Variants in SLC7A5 observed in about 807,000 individuals in gnomAD.
The protein encoded by SLC7A5 is large neutral amino acids transporter small subunit 1.
SLC7A5 carries 23 observed loss-of-function variants against 50.2 expected under a neutral mutation model. That is an observed-to-expected ratio of 0.46 (90% CI 0.33 to 0.65). SLC7A5 has a LOEUF of 0.65. SLC7A5 is among the 30% of genes least tolerant of loss of function. The pLI, the probability that SLC7A5 is intolerant of heterozygous loss-of-function variation, is 0.02. For missense variants in SLC7A5, 578 were observed against 684.4 expected, an observed-to-expected ratio of 0.84 and a Z score of 1.73; for synonymous variants, 393 against 330.6, an observed-to-expected ratio of 1.19 and a Z score of -2.05.
chr16:87,857,620 A>G (rs961033196), intron 1 of SLC7A5, among the ~76,000 whole-genome samples: 1 of 152,228 alleles, frequency 6.6e-6, no homozygotes, highest in Non-Finnish European at 1.5e-5. Flanking sequence ...TTTGATGCCC[A>G]GTCTCTGCAG....
rs1050924866 is a variant in SLC7A5, at chr16:87,840,537, A to G, written c.771-64T>C. ...CATCAGGGAAAATAAATCACCGGGG[A>G]GAGAGCATCCCAGGGCAGCTGGTGA... On this transcript the variant is annotated intron_variant, in intron 3 of 9. Transcript: ENST00000261622. 7 of 1,384,470 alleles carry G rather than the reference A, an allele frequency of 5.1e-6. No individual in the cohort carries two copies. In the Admixed American group the frequency reaches 1.2e-4, roughly 23 times the overall value. 85.8% of individuals were successfully genotyped at this position (1,384,470 alleles called of 1,614,324 possible). A position where few individuals can be genotyped will look rare whatever the true frequency, so the allele number is the denominator to read the frequency against.
In SLC7A5 at chr16:87,832,947, C is replaced by T. The variant is rs751411967; in HGVS notation, c.*23G>A. ...TTAACTGGCCTCTGCGCATGCTCCTCCGGCAGCCACTCGGCCTCCTGGCTA... is the reference window on the plus strand; with the variant it reads ...TTAACTGGCCTCTGCGCATGCTCCTTCGGCAGCCACTCGGCCTCCTGGCTA... On this transcript the variant is annotated 3_prime_UTR_variant, in exon 10 of 10. Transcript: ENST00000261622. This position sits in a 1 kb window ranked among gnomAD's most constrained non-coding sequence, Gnocchi z 4.6. The T allele has an allele frequency of 6.2e-7, 1 of 1,607,428 alleles. No homozygotes were observed. The highest frequency in any genetic ancestry group is 1.7e-4 in the Middle Eastern group (1 of 6,054).
chr16:87,840,378 C>A (rs2055067874), intron 4 of SLC7A5, 51 bp downstream of exon 4: 2 of 1,486,896 alleles, frequency 1.3e-6, no homozygotes, highest in Non-Finnish European at 9.4e-7. Context: ...CTGCTTCCTG[C>A]CTCACATTAA....
At position 87,834,604 on chromosome 16, in the gene SLC7A5, A is replaced by G. The variant is rs1374820187; in HGVS notation, c.1291-13T>C. 6.3e-7 allele frequency: 1 copy of G among 1,577,012 alleles called. No individual in the cohort carries two copies. The highest frequency in any genetic ancestry group is 1.2e-5 in the South Asian group (1 of 85,826). On this transcript the variant is annotated splice_polypyrimidine_tract_variant and intron_variant, in intron 8 of 9. Coordinates refer to ENST00000261622, the MANE Select transcript of SLC7A5 (RefSeq NM_003486.7). Reference sequence around the variant, plus strand: ...GGGCCAGGTTCACCTGGGGCAGAGGACAGGGCCTGGGTGAGCCCTCTCCTG... The same window carrying G: ...GGGCCAGGTTCACCTGGGGCAGAGGGCAGGGCCTGGGTGAGCCCTCTCCTG...
intron 1 of SLC7A5, among the ~76,000 whole-genome samples, chr16:87,863,971 G>A: frequency 3.5e-5 from 1 of 28,332 alleles, no homozygotes. Context: ...CCAACCTTAT[G>A]TGTGATCATT....
Position 87,847,774 on chromosome 16 carries a change from G to A in SLC7A5, c.664+3950C>T, listed in dbSNP as rs2055172469. 2.0e-5 allele frequency among the ~76,000 whole-genome samples: 3 copies of A among 152,190 alleles called. No individual in the cohort carries two copies. In the South Asian group the frequency reaches 6.2e-4, roughly 31 times the overall value. ...GCTCACGGCTGTGGGACCTGGGGCA[G>A]GGCACCCCACTTCTCTGAGTCTAAG... On this transcript the variant is annotated intron_variant, in intron 2 of 9. Coordinates refer to ENST00000261622, the MANE Select transcript of SLC7A5 (RefSeq NM_003486.7).
chr16:87,847,936 C>T (rs1440022350), intron 2 of SLC7A5, among the ~76,000 whole-genome samples: 1 of 152,220 alleles, frequency 6.6e-6, no homozygotes, highest in Non-Finnish European at 1.5e-5. Flanking sequence ...TCCAGAAGTG[C>T]CCTACTCATA....
intron 6 of SLC7A5, among the ~76,000 whole-genome samples, chr16:87,838,448 C>T (rs1000508504): frequency 2.0e-5 from 3 of 152,092 alleles, no homozygotes; most frequent in South Asian, 2.1e-4. Flanking sequence ...CGTGCCACCA[C>T]GCCTGGCTAA....
intron 4 of SLC7A5, 82 bp downstream of exon 4, chr16:87,840,347 C>T: frequency 6.2e-6 from 8 of 1,282,438 alleles, no homozygotes; most frequent in Non-Finnish European, 9.1e-6. Flanking sequence ...AGCCGACCAA[C>T]AGGCTTCGAG....
rs535909341 is a variant in SLC7A5 at position 87,861,066 on chromosome 16, G to C, written c.538+7819C>G. Among the ~76,000 whole-genome samples, 1 of 152,228 alleles carries C rather than the reference G, an allele frequency of 6.6e-6. No homozygotes were observed. The highest frequency in any genetic ancestry group is 2.4e-5 in the African/African-American group (1 of 41,462). ...GCAGCGGGAAGAGGGTGCTGCCACAGGGCCTCTGGGGAGCGTGCGGGCACA... is the reference window on the plus strand; with the variant it reads ...GCAGCGGGAAGAGGGTGCTGCCACACGGCCTCTGGGGAGCGTGCGGGCACA... On this transcript the variant is annotated intron_variant, in intron 1 of 9. Transcript: ENST00000261622. The surrounding 1 kb of genome is among the most constrained non-coding windows in gnomAD (Gnocchi z 4.2).
At position 87,838,403 on chromosome 16, in the gene SLC7A5, G is replaced by A. The variant is rs3794673; in HGVS notation, c.1043+311C>T. 4.0e-5 allele frequency among the ~76,000 whole-genome samples: 6 copies of A among 148,340 alleles called. 1 individual carries two copies. In the South Asian group the frequency reaches 1.1e-3, roughly 26 times the overall value. On this transcript the variant is annotated intron_variant, in intron 6 of 9. Coordinates refer to ENST00000261622, the MANE Select transcript of SLC7A5 (RefSeq NM_003486.7). ...ATCTTCTGGTCTCAAGCAATCCTTCGACCTCAGCCCCCCAAGTAGCTGGGA... is the reference window on the plus strand; with the variant it reads ...ATCTTCTGGTCTCAAGCAATCCTTCAACCTCAGCCCCCCAAGTAGCTGGGA...
chr16:87,838,173 A>C (rs2055035938), intron 6 of SLC7A5, among the ~76,000 whole-genome samples: 1 of 152,218 alleles, frequency 6.6e-6, no homozygotes, highest in Admixed American at 6.5e-5. Flanking sequence ...CGGGGGGTCA[A>C]GCGGCGGCCA....
chr16:87,866,624 C>T lies in SLC7A5; in HGVS notation c.538+2261G>A, dbSNP rs531646079. 1.4e-4 allele frequency among the ~76,000 whole-genome samples: 22 copies of T among 152,260 alleles called. No individual in the cohort carries two copies. In the East Asian group the frequency reaches 4.3e-3, roughly 29 times the overall value. On this transcript the variant is annotated intron_variant, in intron 1 of 9. Coordinates refer to ENST00000261622, the MANE Select transcript of SLC7A5 (RefSeq NM_003486.7). Reference sequence around the variant, plus strand: ...GGGATTACAGGCATCTGCCACCACACCCAGCTAATTTTTTGTATTTTTAGT... The same window carrying T: ...GGGATTACAGGCATCTGCCACCACATCCAGCTAATTTTTTGTATTTTTAGT...
In SLC7A5 at chr16:87,850,143, C is replaced by A. The variant is rs539673297; in HGVS notation, c.664+1581G>T. Among the ~76,000 whole-genome samples the A allele has an allele frequency of 1.1e-3, 163 of 152,332 alleles. 1 individual carries two copies. Among genetic ancestry groups the A allele is most frequent in the Admixed American group, 2.5e-3 (38 of 15,304 alleles). Reference sequence around the variant, plus strand: ...TTGTCCTAAGGCGAAGTGCCACGTACAGCCAGCAGGGGGCGCCAGGAGCAA... The same window carrying A: ...TTGTCCTAAGGCGAAGTGCCACGTAAAGCCAGCAGGGGGCGCCAGGAGCAA... On this transcript the variant is annotated intron_variant, in intron 2 of 9. Transcript: ENST00000261622.
Position 87,869,424 on chromosome 16 carries a change from C to G in SLC7A5, c.-2G>C. 4 of 1,466,134 alleles carry G rather than the reference C, an allele frequency of 2.7e-6. No individual in the cohort carries two copies. The highest frequency in any genetic ancestry group is 2.6e-5 in the East Asian group (1 of 38,670). The allele number at this position is 1,466,134 out of a possible 1,614,324, so 90.8% of individuals were successfully genotyped here. On this transcript the variant is annotated 5_prime_UTR_variant, in exon 1 of 10. Transcript: ENST00000261622. ...CCGCTTCGGGCCCGCACCCGCCATG[C>G]TCTGCGCACCGGCCGGGCCTGGGAC...
chr16:87,852,495 C>T lies in SLC7A5; in HGVS notation c.539-646G>A, dbSNP rs1269057762. ...ATGAAACCCAAAATAGCACCGTGTGCTTCAGAAGCCTGAGTGACCCCACAC... is the reference window on the plus strand; with the variant it reads ...ATGAAACCCAAAATAGCACCGTGTGTTTCAGAAGCCTGAGTGACCCCACAC... On this transcript the variant is annotated intron_variant, in intron 1 of 9. Coordinates refer to ENST00000261622, the MANE Select transcript of SLC7A5 (RefSeq NM_003486.7). This position sits in a 1 kb window ranked among gnomAD's most constrained non-coding sequence, Gnocchi z 4.5. Among the ~76,000 whole-genome samples, 1 of 152,168 alleles carries T rather than the reference C, an allele frequency of 6.6e-6. No individual in the cohort carries two copies. Among genetic ancestry groups the T allele is most frequent in the African/African-American group, 2.4e-5 (1 of 41,436 alleles).
intron 7 of SLC7A5, chr16:87,837,529 G>A (rs2055022417): frequency 2.5e-6 from 1 of 403,160 alleles, no homozygotes; most frequent in East Asian, 4.5e-5. Flanking sequence ...GCACCCCGCT[G>A]AGAAACGAAC....
rs1235441179 is a variant in SLC7A5, at chr16:87,831,926, G to C, written c.*1044C>G. ...GACAACGGGCATCAGGACCAGGACAGGACATGAGCGTGACAGGGAGAGCGG... is the reference window on the plus strand; with the variant it reads ...GACAACGGGCATCAGGACCAGGACACGACATGAGCGTGACAGGGAGAGCGG... On this transcript the variant is annotated 3_prime_UTR_variant, in exon 10 of 10. Transcript: ENST00000261622. 6.5e-6 allele frequency: 1 copy of C among 153,002 alleles called. No individual in the cohort carries two copies. The allele number at this position is 153,002 out of a possible 1,614,324, so 9.5% of individuals were successfully genotyped here. A position where few individuals can be genotyped will look rare whatever the true frequency, so the allele number is the denominator to read the frequency against.
rs372894326 is a variant in SLC7A5 at position 87,860,399 on chromosome 16, CATAT to C, written c.538+8482_538+8485del. On this transcript the variant is annotated intron_variant, in intron 1 of 9. Coordinates refer to ENST00000261622, the MANE Select transcript of SLC7A5 (RefSeq NM_003486.7). The surrounding 1 kb of genome is among the most constrained non-coding windows in gnomAD (Gnocchi z 4.8). ...ACACACACACACACACACACACACA[CATAT>C]ATATATAAAGAAAAAGGAAATCTTC... 7.2e-4 allele frequency among the ~76,000 whole-genome samples: 54 copies of C among 74,494 alleles called. 2 individuals are homozygous for C. The highest frequency in any genetic ancestry group is 2.8e-3 in the African/African-American group (50 of 18,080). 48.9% of individuals were successfully genotyped at this position (74,494 alleles called of 152,430 possible).
Sources: gnomAD v4.1 joint callset for allele counts (sites outside exome capture counted in the v4.1 genomes callset) on GRCh38, gnomAD v4.1.1 for gene constraint, Gnocchi (gnomAD v3.1) non-coding constraint, MANE v1.5 for transcripts, NCBI Gene and HGNC (gene_info 2026-07-23, HGNC 2026-07-21) for gene names.